Variants in MSR1 observed in about 807,000 individuals in gnomAD.
MSR1 encodes macrophage scavenger receptor types I and II.
In MSR1, 53 loss-of-function variants were observed where a neutral mutation model predicts 47.2. The observed-to-expected ratio is 1.12, with a 90% CI of 0.90 to 1.41. The LOEUF (loss-of-function observed/expected upper bound fraction) is 1.41, where lower values mean the gene tolerates loss of function less well. MSR1 is among the 40% of genes most tolerant of loss of function. The pLI is 0.00. For missense variants in MSR1, 786 were observed against 546.9 expected (o/e 1.44, Z -4.36); for synonymous variants, 239 against 185.6 (o/e 1.29, Z -2.34).
At chr8:16,170,507 T>C (rs973247781) in intron 3 of MSR1, among the ~76,000 whole-genome samples, 12 of 152,336 alleles carry the variant, frequency 7.9e-5, no homozygotes, top group African/African-American at 2.9e-4. Context: ...GTCATATTCA[T>C]ATTAGATTGG....
intron 8 of MSR1, chr8:16,139,984 T>A: frequency 3.9e-6 from 2 of 512,564 alleles, no homozygotes; most frequent in Non-Finnish European, 5.0e-6. Context: ...TGTTCATTTG[T>A]CTACATCTCT....
At chr8:16,162,555 T>C (rs745670353) in intron 5 of MSR1, among the ~76,000 whole-genome samples, 4 of 151,900 alleles carry the variant, frequency 2.6e-5, no homozygotes, top group South Asian at 2.1e-4. Flanking sequence ...ACCAAGATGG[T>C]TGTAGATAAA....
In MSR1 at chr8:16,168,510, T is replaced by C. The variant is rs770433629; in HGVS notation, c.578A>G (p.Asn193Ser). The C allele has an allele frequency of 1.2e-6, 2 of 1,614,170 alleles. No homozygotes were observed. The highest frequency in any genetic ancestry group is 1.1e-5 in the South Asian group (1 of 91,088). Residue 193 changes from asparagine (N) to serine (S), a missense_variant, in exon 4 of 10, where the codon AAC becomes AGC. Asn to Ser is a conservative substitution (Grantham distance 46, BLOSUM62 1). Coordinates refer to ENST00000262101, the MANE Select transcript of MSR1 (RefSeq NM_138715.3). Reference protein sequence around the residue: ...LNTTLLDLQLNIENLNGKIQE... With the variant: ...LNTTLLDLQLSIENLNGKIQE... ...GATTTTGCCATTCAGATTTTCTATG[T>C]TGAGCTGCAAATCAAGCAATGTGGT...
chr8:16,133,181 A>G (rs79981985), intron 8 of MSR1, among the ~76,000 whole-genome samples: 3,764 of 152,294 alleles, frequency 0.025, 140 homozygotes, highest in African/African-American at 0.086. Context: ...ACTTCTCAAC[A>G]TAAGCTCCAT....
intron 6 of MSR1, among the ~76,000 whole-genome samples, chr8:16,152,945 T>C (rs112894663): frequency 0.014 from 2,205 of 152,232 alleles, 60 homozygotes; most frequent in African/African-American, 0.05. Context: ...CTCCCTAGCA[T>C]GCTTTCAAGG....
rs745311563 is a variant in MSR1 at position 16,155,063 on chromosome 8, C to A, written c.898+1G>T. 3.1e-6 allele frequency: 5 copies of A among 1,608,318 alleles called. No individual in the cohort carries two copies. Among genetic ancestry groups the A allele is most frequent in the Non-Finnish European group, 3.4e-6 (4 of 1,175,296 alleles). On this transcript the variant is annotated splice_donor_variant, in intron 6 of 9. Coordinates refer to ENST00000262101, the MANE Select transcript of MSR1 (RefSeq NM_138715.3). LOFTEE classifies it high-confidence loss of function. ...TGATTAAATAGCTAAAATTACCATA[C>A]CTATTGGACCTGGAAATCCTCGTGG...
At chr8:16,151,295 A>G (rs1274118955) in intron 6 of MSR1, among the ~76,000 whole-genome samples, 1 of 152,102 alleles carries the variant, frequency 6.6e-6, no homozygotes, top group Admixed American at 6.6e-5. Context: ...TGTTCAACTA[A>G]AAATCAAGGA....
intron 6 of MSR1, among the ~76,000 whole-genome samples, chr8:16,151,284 C>CTGTTCAACTAAAAATCAAGGA (rs1800851514): frequency 6.6e-6 from 1 of 152,046 alleles, no homozygotes. Context: ...CAGAACACAG[C>CTGTTCAACTAAAAATCAAGGA]TGTTCAACTA....
In MSR1 at chr8:16,113,523, G is replaced by A. The variant is rs927634277; in HGVS notation, c.1223-3305C>T. On this transcript the variant is annotated intron_variant, in intron 9 of 9. Transcript: ENST00000262101. ...ATTTGTATGACTTTTAAGCCTAGTT[G>A]GGAAGTGTTTTGTGAACAGTGTCTC... 3.9e-5 allele frequency among the ~76,000 whole-genome samples: 6 copies of A among 152,020 alleles called. No homozygotes were observed. The East Asian group carries it at 1.2e-3, about 29-fold the overall frequency.
At position 16,109,462 on chromosome 8, in the gene MSR1, C is replaced by A. The variant is rs1422038409; in HGVS notation, c.*623G>T. On this transcript the variant is annotated 3_prime_UTR_variant, in exon 10 of 10. Transcript: ENST00000262101. ...CATATGTCCTGCTTTCAATTTACTT[C>A]ATGATTCAATTAAACAGTTGTCAGT... 1.3e-5 allele frequency: 2 copies of A among 152,486 alleles called. No homozygotes were observed. The highest frequency in any genetic ancestry group is 6.5e-5 in the Admixed American group (1 of 15,340). 9.4% of individuals were successfully genotyped at this position (152,486 alleles called of 1,614,324 possible).
intron 5 of MSR1, among the ~76,000 whole-genome samples, chr8:16,156,220 T>C (rs1801001430): frequency 6.6e-6 from 1 of 151,966 alleles, no homozygotes; most frequent in African/African-American, 2.4e-5. Flanking sequence ...AAAGGAAGCA[T>C]TTTCAATTGC....
intron 4 of MSR1, among the ~76,000 whole-genome samples, chr8:16,166,560 G>A (rs1421969482): frequency 1.3e-5 from 2 of 151,982 alleles, no homozygotes; most frequent in Non-Finnish European, 2.9e-5. Flanking sequence ...GAGGAAAAGT[G>A]TATTTAATTT....
intron 6 of MSR1, among the ~76,000 whole-genome samples, chr8:16,151,093 TA>T (rs889136421): frequency 4.6e-5 from 7 of 152,144 alleles, no homozygotes; most frequent in African/African-American, 1.7e-4. Flanking sequence ...TAAACTATTG[TA>T]ACAGTTTAGG....
chr8:16,173,365 T>C (rs1211810380), intron 3 of MSR1, among the ~76,000 whole-genome samples: 3 of 152,174 alleles, frequency 2.0e-5, no homozygotes, highest in Non-Finnish European at 4.4e-5. Flanking sequence ...GGTGATGAAA[T>C]CTACTCAAAT....
intron 8 of MSR1, chr8:16,139,351 C>T: frequency 1.1e-6 from 1 of 944,964 alleles, no homozygotes; most frequent in Non-Finnish European, 1.3e-6. Context: ...TTTCACAGAG[C>T]ATCTTCACAC....
chr8:16,157,033 G>T (rs1801031756), intron 5 of MSR1, among the ~76,000 whole-genome samples: 1 of 151,986 alleles, frequency 6.6e-6, no homozygotes, highest in Non-Finnish European at 1.5e-5. Flanking sequence ...ATTTTGTTGA[G>T]CTAATTGAAG....
At chr8:16,113,971 A>G (rs1799820484) in intron 9 of MSR1, among the ~76,000 whole-genome samples, 1 of 132,510 alleles carries the variant, frequency 7.5e-6, no homozygotes, top group African/African-American at 2.9e-5. Context: ...AGCCCTACTT[A>G]TTTTCTCTAT....
intron 8 of MSR1, among the ~76,000 whole-genome samples, chr8:16,123,487 C>G (rs771025792): frequency 8.0e-5 from 12 of 150,654 alleles, no homozygotes; most frequent in Non-Finnish European, 1.6e-4. Context: ...TCTGTCGTTT[C>G]TTTGGCAACA....
At chr8:16,160,293 ATGG>A (rs1801126421) in intron 5 of MSR1, among the ~76,000 whole-genome samples, 1 of 152,034 alleles carries the variant, frequency 6.6e-6, no homozygotes, top group Non-Finnish European at 1.5e-5. Context: ...TTGAGAACTA[ATGG>A]TGGTCTTGGG....
Sources: allele counts gnomAD v4.1 joint callset (sites outside exome capture counted in the v4.1 genomes callset), GRCh38; gene constraint gnomAD v4.1.1; transcripts MANE v1.5; gene names NCBI Gene and HGNC (gene_info 2026-07-23, HGNC 2026-07-21).